Variants in PALD1 observed in about 807,000 individuals in gnomAD.
PALD1 encodes the protein paladin.
Under a neutral mutation model 96.0 loss-of-function variants are expected in PALD1, and 57 were observed. The observed-to-expected ratio is 0.59, with a 90% CI of 0.48 to 0.74. The LOEUF is 0.74. PALD1 is among the 30% of genes least tolerant of loss of function. The pLI is 0.00. For missense variants in PALD1, 1,063 were observed against 1,143.7 expected (o/e 0.93, Z 1.02); for synonymous variants, 464 against 473.6 (o/e 0.98, Z 0.26).
chr10:70,565,798 G>A (rs948063262), intron 19 of PALD1, among the ~76,000 whole-genome samples: 4 of 152,142 alleles, frequency 2.6e-5, no homozygotes, highest in Non-Finnish European at 5.9e-5. Flanking sequence ...GGAGGTGGAA[G>A]GGGATGAGGA....
intron 1 of PALD1, among the ~76,000 whole-genome samples, chr10:70,520,769 G>A (rs568518372): frequency 7.4e-6 from 1 of 136,000 alleles, no homozygotes; most frequent in Non-Finnish European, 1.5e-5. Flanking sequence ...TCGGCTCACT[G>A]CAATCTCTGC....
At chr10:70,523,146 G>A (rs893635195) in intron 1 of PALD1, among the ~76,000 whole-genome samples, 4 of 152,242 alleles carry the variant, frequency 2.6e-5, no homozygotes, top group African/African-American at 4.8e-5. Flanking sequence ...CATCTGTGTC[G>A]TCTCTGGGCC....
rs1275064782 is a variant in PALD1, at chr10:70,539,704, G to T, written c.1850G>T (p.Cys617Phe). 2 of 1,613,568 alleles carry T rather than the reference G, an allele frequency of 1.2e-6. No individual in the cohort carries two copies. The highest frequency in any genetic ancestry group is 1.7e-6 in the Non-Finnish European group (2 of 1,179,794). ...QEVFSQHRRA[C>F]PGLTYHRIPM... ...GTCTTCAGCCAGCACCGCAGGGCCT[G>T]TCCTGGCCTCACCTACCACCGCATC... is the stretch of plus-strand genomic sequence containing the variant. The change falls in exon 15 of 20, where the codon TGT becomes TTT. Residue 617 changes from cysteine to phenylalanine, a missense_variant. Coordinates refer to ENST00000263563, the MANE Select transcript of PALD1 (RefSeq NM_014431.3). The surrounding 1 kb of genome is among the most constrained non-coding windows in gnomAD (Gnocchi z 4.5).
At chr10:70,496,118 A>C in intron 1 of PALD1, among the ~76,000 whole-genome samples, 1 of 152,164 alleles carries the variant, frequency 6.6e-6, no homozygotes, top group South Asian at 2.1e-4. Context: ...AGGGAGTATC[A>C]GGACTTGAAC....
chr10:70,540,159 T>C lies in PALD1; in HGVS notation c.1908+397T>C, dbSNP rs1847213165. Among the ~76,000 whole-genome samples the C allele has an allele frequency of 6.6e-6, 1 of 151,650 alleles. No individual in the cohort carries two copies. ...TTATCGGGGTGTGTGTGTATTCTGT[T>C]ACAGGTGTGTGTGTGTATTTGTTAT... On this transcript the variant is annotated intron_variant, in intron 15 of 19. Transcript: ENST00000263563. The surrounding 1 kb of genome is among the most constrained non-coding windows in gnomAD (Gnocchi z 4.2).
the PALD1 span, among the ~76,000 whole-genome samples, chr10:70,468,326 C>T: frequency 2.6e-5 from 4 of 152,024 alleles, no homozygotes; most frequent in African/African-American, 9.7e-5. Flanking sequence ...TCACTGCAAC[C>T]TTCACCTCCC....
At chr10:70,489,722 G>A (rs971992589) in intron 1 of PALD1, among the ~76,000 whole-genome samples, 4 of 152,080 alleles carry the variant, frequency 2.6e-5, no homozygotes, top group African/African-American at 9.7e-5. Flanking sequence ...GTAGCTTTTA[G>A]TACATTCAAA....
intron 1 of PALD1, among the ~76,000 whole-genome samples, chr10:70,497,326 G>A (rs1219688542): frequency 6.6e-6 from 1 of 152,254 alleles, no homozygotes; most frequent in Non-Finnish European, 1.5e-5. Context: ...GGGTGCAGGT[G>A]TGCACAGCTG....
At chr10:70,505,322 G>A (rs1174036223) in intron 1 of PALD1, among the ~76,000 whole-genome samples, 4 of 152,132 alleles carry the variant, frequency 2.6e-5, no homozygotes, top group Non-Finnish European at 5.9e-5. Flanking sequence ...ATGGCCAGGT[G>A]TGGTGGCTCA....
chr10:70,481,443 C>T (rs1406077919), intron 1 of PALD1, among the ~76,000 whole-genome samples: 1 of 152,210 alleles, frequency 6.6e-6, no homozygotes, highest in Non-Finnish European at 1.5e-5. Context: ...AAAGCTCAGT[C>T]TCCTGTGTTT....
intron 1 of PALD1, among the ~76,000 whole-genome samples, chr10:70,501,948 A>G (rs1011249777): frequency 6.6e-6 from 1 of 151,840 alleles, no homozygotes; most frequent in African/African-American, 2.4e-5. Flanking sequence ...TAAACTAGAC[A>G]TATAGTAGAT....
At chr10:70,522,061 G>A (rs978065122) in intron 1 of PALD1, among the ~76,000 whole-genome samples, 4 of 152,134 alleles carry the variant, frequency 2.6e-5, no homozygotes, top group African/African-American at 7.2e-5. Flanking sequence ...GGCAAATTAA[G>A]GTTACATTTT....
intron 1 of PALD1, 58 bp downstream of exon 1, chr10:70,479,117 G>C (rs971693721): frequency 6.6e-6 from 1 of 152,622 alleles, no homozygotes; most frequent in Non-Finnish European, 1.5e-5. Context: ...GAATCCCCCG[G>C]GCACCCCCCA....
intron 1 of PALD1, among the ~76,000 whole-genome samples, chr10:70,494,534 A>G (rs1172344387): frequency 6.6e-6 from 1 of 152,174 alleles, no homozygotes; most frequent in African/African-American, 2.4e-5. Context: ...CCTCTTCCCC[A>G]TATCCCTGAC....
chr10:70,522,555 T>A (rs139060227), intron 1 of PALD1, among the ~76,000 whole-genome samples: 3 of 152,132 alleles, frequency 2.0e-5, no homozygotes, highest in African/African-American at 7.2e-5. Context: ...GGCTGTGAGC[T>A]CCGTGGGCAC....
Position 70,541,235 on chromosome 10 carries a change from A to C in PALD1, c.2042A>C (p.His681Pro). The change falls in exon 16 of 20, where the codon CAC becomes CCC. Residue 681 changes from histidine (H) to proline (P), a missense_variant. His to Pro is a moderately conservative substitution (Grantham distance 77). Transcript: ENST00000263563. ...AMVVAVLAFW[H>P]IQGFPEVGEE... is the part of the protein sequence containing the mutation. Reference sequence around the variant, plus strand: ...GTGGTGGCTGTCCTGGCCTTCTGGCACATCCAAGTACGTGTGGCCTCTCAA... The same window carrying C: ...GTGGTGGCTGTCCTGGCCTTCTGGCCCATCCAAGTACGTGTGGCCTCTCAA... 6.2e-7 allele frequency: 1 copy of C among 1,605,114 alleles called. No homozygotes were observed. The highest frequency in any genetic ancestry group is 8.5e-7 in the Non-Finnish European group (1 of 1,176,066).
chr10:70,546,130 G>C (rs751068809), intron 17 of PALD1, among the ~76,000 whole-genome samples: 1 of 151,964 alleles, frequency 6.6e-6, no homozygotes, highest in Non-Finnish European at 1.5e-5. Flanking sequence ...CCAGCTACTC[G>C]GGAGGCTGAG....
At chr10:70,529,665 T>C (rs915109779) in intron 3 of PALD1, among the ~76,000 whole-genome samples, 1 of 151,776 alleles carries the variant, frequency 6.6e-6, no homozygotes, top group African/African-American at 2.4e-5. Context: ...TCTGGAGGAG[T>C]TGTCTTTCCT....
intron 17 of PALD1, among the ~76,000 whole-genome samples, chr10:70,543,669 CT>C (rs1379824230): frequency 1.3e-5 from 2 of 152,124 alleles, no homozygotes; most frequent in Non-Finnish European, 2.9e-5. Context: ...TCTTGGCACC[CT>C]TGTTGAAAGC....
Sources: gnomAD v4.1 joint callset for allele counts (sites outside exome capture counted in the v4.1 genomes callset) on GRCh38, gnomAD v4.1.1 for gene constraint, Gnocchi (gnomAD v3.1) non-coding constraint, MANE v1.5 for transcripts, NCBI Gene and HGNC (gene_info 2026-07-23, HGNC 2026-07-21) for gene names.